The following HYCC1 variants were observed in gnomAD, a reference collection of about 807,000 sequenced individuals.
HYCC1 encodes the protein hyccin.
At chr7:22,973,919 C>G in the HYCC1 span, among the ~76,000 whole-genome samples, 20 of 152,228 alleles carry the variant, frequency 1.3e-4, no homozygotes, top group Admixed American at 1.2e-3. Flanking sequence ...AGGGAAACGT[C>G]AAGAGTGGTT....
At chr7:23,013,379 G>C in the HYCC1 span, among the ~76,000 whole-genome samples, 1 of 152,240 alleles carries the variant, frequency 6.6e-6, no homozygotes, top group Non-Finnish European at 1.5e-5. Flanking sequence ...TGCTCTCCAG[G>C]GGGCGAGGGC....
At chr7:23,002,159 TATATATATATATATATAC>T in the HYCC1 span, among the ~76,000 whole-genome samples, 43 of 70,610 alleles carry the variant, frequency 6.1e-4, no homozygotes, top group Admixed American at 2.6e-3. Flanking sequence ...TATATATATA[TATATATATATATATATAC>T]ATATAGTTTG....
chr7:23,004,604 C>T, the HYCC1 span, among the ~76,000 whole-genome samples: 1 of 151,930 alleles, frequency 6.6e-6, no homozygotes, highest in Non-Finnish European at 1.5e-5. Context: ...TTGGCCTGTC[C>T]TTCCTTTCCT....
At chr7:22,985,544 T>C in the HYCC1 span, 1 of 152,138 alleles carries the variant, frequency 6.6e-6, no homozygotes, top group African/African-American at 2.4e-5. Flanking sequence ...AGAGTTTTAT[T>C]TACCAGAAGG....
At chr7:22,918,731 C>T in the HYCC1 span, among the ~76,000 whole-genome samples, 1 of 152,074 alleles carries the variant, frequency 6.6e-6, no homozygotes, top group Non-Finnish European at 1.5e-5. Context: ...TGTGACCCCC[C>T]ACCCCTGCCC....
At chr7:22,923,430 G>C in the HYCC1 span, among the ~76,000 whole-genome samples, 1 of 152,130 alleles carries the variant, frequency 6.6e-6, no homozygotes, top group Non-Finnish European at 1.5e-5. Flanking sequence ...ATTTATAGAT[G>C]TAACTTCCTA....
the HYCC1 span, among the ~76,000 whole-genome samples, chr7:22,991,828 G>C: frequency 6.6e-6 from 1 of 152,052 alleles, no homozygotes; most frequent in Admixed American, 6.6e-5. Context: ...ACTATTTCCT[G>C]ACGGAAAACT....
the HYCC1 span, among the ~76,000 whole-genome samples, chr7:23,009,155 G>A: frequency 6.6e-6 from 1 of 152,122 alleles, no homozygotes; most frequent in East Asian, 1.9e-4. Flanking sequence ...TATTATAATA[G>A]ACAAAGGACA....
At chr7:22,978,252 C>A in the HYCC1 span, 1 of 1,611,544 alleles carries the variant, frequency 6.2e-7, no homozygotes, top group Non-Finnish European at 8.5e-7. Flanking sequence ...ATTTTGTTAA[C>A]TCCATTAAAT....
the HYCC1 span, among the ~76,000 whole-genome samples, chr7:23,009,119 G>A: frequency 2.6e-5 from 4 of 151,962 alleles, no homozygotes; most frequent in South Asian, 4.1e-4. Context: ...AAGAGCTCTC[G>A]TAACTTAGTT....
the HYCC1 span, among the ~76,000 whole-genome samples, chr7:22,994,242 T>A: frequency 2.6e-5 from 4 of 152,214 alleles, no homozygotes; most frequent in East Asian, 3.8e-4. Flanking sequence ...ATATCTGAAA[T>A]TCTATACAAC....
At chr7:22,997,672 A>C in the HYCC1 span, among the ~76,000 whole-genome samples, 1 of 152,168 alleles carries the variant, frequency 6.6e-6, no homozygotes, top group Admixed American at 6.6e-5. Flanking sequence ...GCTTAAAAAG[A>C]AGTGTTGATG....
chr7:22,939,485 T>C, the HYCC1 span: 1 of 152,240 alleles, frequency 6.6e-6, no homozygotes, highest in South Asian at 2.1e-4. Context: ...CTTATTTTAA[T>C]TTGCATTTTA....
chr7:22,924,327 C>G, the HYCC1 span, among the ~76,000 whole-genome samples: 2 of 152,216 alleles, frequency 1.3e-5, no homozygotes, highest in African/African-American at 2.4e-5. Flanking sequence ...GAGTGCCGGA[C>G]AGTGGGTGCA....
the HYCC1 span, among the ~76,000 whole-genome samples, chr7:22,963,306 G>T: frequency 6.6e-6 from 1 of 152,156 alleles, no homozygotes; most frequent in Admixed American, 6.5e-5. Flanking sequence ...AGGCTCTAGT[G>T]GAAAAGACGG....
At chr7:22,931,582 G>C in the HYCC1 span, among the ~76,000 whole-genome samples, 1 of 152,150 alleles carries the variant, frequency 6.6e-6, no homozygotes, top group Non-Finnish European at 1.5e-5. Flanking sequence ...AAGTTTGCTG[G>C]TGGAAATATG....
chr7:22,981,050 A>G, the HYCC1 span, among the ~76,000 whole-genome samples: 5 of 152,126 alleles, frequency 3.3e-5, no homozygotes, highest in African/African-American at 9.7e-5. Context: ...TCTTGATTCA[A>G]TCGCCAACTT....
the HYCC1 span, among the ~76,000 whole-genome samples, chr7:22,932,513 T>C: frequency 6.6e-6 from 1 of 152,210 alleles, no homozygotes; most frequent in Non-Finnish European, 1.5e-5. Context: ...TGTCCCACCA[T>C]TGTATTTTGG....
chr7:22,940,606 G>C, the HYCC1 span: 1 of 152,106 alleles, frequency 6.6e-6, no homozygotes, highest in African/African-American at 2.4e-5. Context: ...ATGCCACTGA[G>C]ATTTCCTAAA....
Sources: allele counts gnomAD v4.1 joint callset (sites outside exome capture counted in the v4.1 genomes callset), GRCh38; gene constraint gnomAD v4.1.1; transcripts MANE v1.5; gene names NCBI Gene and HGNC (gene_info 2026-07-23, HGNC 2026-07-21).